TMCO4: variants seen among roughly 807,000 people sequenced by gnomAD.
The protein encoded by TMCO4 is transmembrane and coiled-coil domains 4, also known as transmembrane and coiled-coil domain-containing protein 4.
In TMCO4, 58 loss-of-function variants were observed where a neutral mutation model predicts 64.7. The ratio of observed to expected loss-of-function variants is 0.90; its 90% CI spans 0.73 to 1.12. The LOEUF is 1.12. Ranked by LOEUF, TMCO4 falls within the 50% of genes most tolerant of loss-of-function variation. The pLI, the probability that TMCO4 is intolerant of heterozygous loss-of-function variation, is 0.00. For missense variants in TMCO4, 780 were observed against 825.9 expected, an observed-to-expected ratio of 0.94 and a Z score of 0.68; for synonymous variants, 325 against 346.1, an observed-to-expected ratio of 0.94 and a Z score of 0.68.
intron 13 of TMCO4, among the ~76,000 whole-genome samples, chr1:19,730,105 A>G (rs960150352): frequency 3.9e-5 from 6 of 152,236 alleles, no homozygotes; most frequent in Non-Finnish European, 8.8e-5. Flanking sequence ...CTCTGACCAC[A>G]TGGTAGGAAG....
chr1:19,690,886 T>TG (rs5772860), intron 15 of TMCO4, among the ~76,000 whole-genome samples: 1 of 148,620 alleles, frequency 6.7e-6, no homozygotes, highest in Non-Finnish European at 1.5e-5. Flanking sequence ...TTTTTTTTTT[T>TG]GAAACAGAGT....
intron 4 of TMCO4, among the ~76,000 whole-genome samples, chr1:19,779,008 C>A (rs1189358585): frequency 1.3e-5 from 2 of 152,124 alleles, no homozygotes; most frequent in Non-Finnish European, 2.9e-5. Flanking sequence ...TGGCGGTAAC[C>A]CCCAAGGAGT....
Position 19,683,062 on chromosome 1 carries a change from C to T in TMCO4, c.1883G>A (p.Gly628Asp). The T allele has an allele frequency of 6.3e-7, 1 of 1,595,496 alleles. No homozygotes were observed. The highest frequency in any genetic ancestry group is 8.5e-7 in the Non-Finnish European group (1 of 1,171,516). ...GCPDCACKTQGPSTGLD is the reference protein window; with the variant it reads ...GCPDCACKTQDPSTGLD ...TGGTCAGTCCAGCCCCGTGCTGGGGCCCTGGGTCTTGCAGGCACAATCGGG... is the reference window on the plus strand; with the variant it reads ...TGGTCAGTCCAGCCCCGTGCTGGGGTCCTGGGTCTTGCAGGCACAATCGGG... Residue 628 changes from glycine to aspartate, a missense_variant, in exon 16 of 16, where the codon GGC becomes GAC. Gly to Asp is a moderately conservative substitution (Grantham distance 94). Transcript: ENST00000294543.
intron 6 of TMCO4, among the ~76,000 whole-genome samples, chr1:19,770,029 G>T (rs1557597693): frequency 6.6e-6 from 1 of 152,250 alleles, no homozygotes; most frequent in African/African-American, 2.4e-5. Flanking sequence ...CAGGACAAGG[G>T]TCAGCCCACC....
Position 19,780,678 on chromosome 1 carries a change from G to T in TMCO4, c.81C>A (p.His27Gln). Reference protein sequence around the residue: ...VAEPTAEGEPHLPTGRELTEA... With the variant: ...VAEPTAEGEPQLPTGRELTEA... Reference sequence around the variant, plus strand: ...CAGTCAGCTCCCGGCCCGTGGGCAGGTGTGGCTCCCCCTCTGCAGTGGGCT... The same window carrying T: ...CAGTCAGCTCCCGGCCCGTGGGCAGTTGTGGCTCCCCCTCTGCAGTGGGCT... The change falls in exon 4 of 16, where the codon CAC becomes CAA. Residue 27 changes from histidine (H) to glutamine (Q), a missense_variant. Transcript: ENST00000294543. The T allele has an allele frequency of 3.7e-6, 6 of 1,614,024 alleles. No individual in the cohort carries two copies. The highest frequency in any genetic ancestry group is 5.1e-6 in the Non-Finnish European group (6 of 1,179,978).
chr1:19,776,333 G>C (rs2101047641), intron 4 of TMCO4, among the ~76,000 whole-genome samples: 1 of 152,346 alleles, frequency 6.6e-6, no homozygotes, highest in Middle Eastern at 3.4e-3. Flanking sequence ...CTTATGGCCA[G>C]GCAACAGCCA....
chr1:19,701,842 A>C (rs550235150), intron 13 of TMCO4, among the ~76,000 whole-genome samples: 1 of 152,182 alleles, frequency 6.6e-6, no homozygotes, highest in Non-Finnish European at 1.5e-5. Context: ...TTCAAAGTGC[A>C]GTCTGGGCTG....
intron 15 of TMCO4, among the ~76,000 whole-genome samples, chr1:19,693,586 C>A (rs917899635): frequency 6.6e-6 from 1 of 152,232 alleles, no homozygotes; most frequent in Non-Finnish European, 1.5e-5. Flanking sequence ...GACCATCTGC[C>A]CCTGCACCCC....
chr1:19,715,225 C>A (rs2095350238), intron 13 of TMCO4, among the ~76,000 whole-genome samples: 1 of 152,176 alleles, frequency 6.6e-6, no homozygotes, highest in African/African-American at 2.4e-5. Context: ...CAGAATGAGA[C>A]TGTCTCAAAA....
intron 13 of TMCO4, among the ~76,000 whole-genome samples, chr1:19,703,379 G>A (rs2095284589): frequency 6.6e-6 from 1 of 151,918 alleles, no homozygotes; most frequent in Admixed American, 6.6e-5. Flanking sequence ...CCACTGGCCT[G>A]TCTAGCCCCC....
chr1:19,746,316 T>C, intron 9 of TMCO4, 140 bp downstream of exon 9: 1 of 1,301,328 alleles, frequency 7.7e-7, no homozygotes, highest in Non-Finnish European at 1.1e-6. Flanking sequence ...CTGGGAAGGC[T>C]GGGACCCAGA....
intron 10 of TMCO4, among the ~76,000 whole-genome samples, chr1:19,742,945 G>A (rs767857197): frequency 2.2e-4 from 34 of 152,220 alleles, no homozygotes; most frequent in Admixed American, 4.6e-4. Flanking sequence ...AGCTACTCTC[G>A]AGGCTGAGGC....
intron 15 of TMCO4, among the ~76,000 whole-genome samples, chr1:19,687,728 G>A (rs1337778122): frequency 6.6e-6 from 1 of 152,182 alleles, no homozygotes; most frequent in African/African-American, 2.4e-5. Context: ...GTTGTAGATG[G>A]CTGGTGCCAG....
intron 15 of TMCO4, among the ~76,000 whole-genome samples, chr1:19,683,819 G>A (rs1271106130): frequency 8.1e-6 from 1 of 124,054 alleles, no homozygotes; most frequent in African/African-American, 3.1e-5. Context: ...CTGGAGTGCC[G>A]TGGCGCAATC....
intron 13 of TMCO4, among the ~76,000 whole-genome samples, chr1:19,722,360 G>A (rs920839018): frequency 2.6e-5 from 4 of 152,174 alleles, no homozygotes; most frequent in Non-Finnish European, 5.9e-5. Flanking sequence ...TGCTCTCAAG[G>A]CTGCAAGCCA....
intron 15 of TMCO4, 126 bp from the exon 16 acceptor site, chr1:19,683,570 C>T: frequency 9.7e-7 from 1 of 1,035,106 alleles, no homozygotes; most frequent in Non-Finnish European, 1.4e-6. Flanking sequence ...TCACCAAACC[C>T]ATGACTCCAT....
At chr1:19,702,286 A>C (rs968819079) in intron 13 of TMCO4, among the ~76,000 whole-genome samples, 1,051 of 41,328 alleles carry the variant, frequency 0.025, 13 homozygotes, top group South Asian at 0.062. Flanking sequence ...TTGTCTTTAC[A>C]AAAAAAAAAA....
intron 7 of TMCO4, among the ~76,000 whole-genome samples, chr1:19,748,787 T>C (rs1313792820): frequency 6.6e-6 from 1 of 152,168 alleles, no homozygotes; most frequent in Non-Finnish European, 1.5e-5. Context: ...ATCCCACCAC[T>C]GCACTCCAGC....
In TMCO4 at chr1:19,747,226, G is replaced by A. The variant is rs146484072; in HGVS notation, c.550C>T (p.Arg184Trp). ...AEASRKKKEN[R>W]RKWKRYLLIG... ...AGGAGATAACGCTTCCATTTCCTCC[G>A]GTTTTCTTTCTTCTTTCGGGATGCC... The change falls in exon 8 of 16, where the codon CGG (arginine) becomes TGG (tryptophan). Residue 184 changes from arginine to tryptophan, a missense_variant. Coordinates refer to ENST00000294543, the MANE Select transcript of TMCO4 (RefSeq NM_181719.7). 1.2e-3 allele frequency: 1,934 copies of A among 1,613,938 alleles called. 28 individuals are homozygous for A. The highest frequency in any genetic ancestry group is 0.01 in the South Asian group (955 of 91,068).
Sources: allele counts gnomAD v4.1 joint callset (sites outside exome capture counted in the v4.1 genomes callset), GRCh38; gene constraint gnomAD v4.1.1; transcripts MANE v1.5; gene names NCBI Gene and HGNC (gene_info 2026-07-23, HGNC 2026-07-21).